The following UNC13C variants were observed in gnomAD, a reference collection of about 807,000 sequenced individuals.
UNC13C encodes the protein unc-13 homolog C.
Under a neutral mutation model 245.4 loss-of-function variants are expected in UNC13C, and 174 were observed. The ratio of observed to expected loss-of-function variants is 0.71; its 90% CI spans 0.63 to 0.80. UNC13C has a LOEUF of 0.80. Ranked by LOEUF, UNC13C falls within the 30% of genes least tolerant of loss-of-function variation. The probability of loss-of-function intolerance (pLI) is 0.00; values close to 1 mark genes in which losing one functional copy is unlikely to be tolerated. For missense variants in UNC13C, 2,829 were observed against 2,602.9 expected, an observed-to-expected ratio of 1.09 and a Z score of -1.89; for synonymous variants, 992 against 895.1, an observed-to-expected ratio of 1.11 and a Z score of -1.93.
chr15:53,990,195 TA>T (rs938175219), intron 1 of UNC13C, among the ~76,000 whole-genome samples: 12 of 152,046 alleles, frequency 7.9e-5, no homozygotes, highest in African/African-American at 2.9e-4. Flanking sequence ...TAAAGGACTT[TA>T]AAAAATATAT....
At chr15:54,503,180 A>C (rs1354840018) in intron 22 of UNC13C, among the ~76,000 whole-genome samples, 2 of 152,168 alleles carry the variant, frequency 1.3e-5, no homozygotes, top group Non-Finnish European at 2.9e-5. Flanking sequence ...GAAATTCAAC[A>C]ATATCCAATT....
chr15:54,256,266 G>C (rs1256361790), intron 8 of UNC13C, among the ~76,000 whole-genome samples: 1 of 152,068 alleles, frequency 6.6e-6, no homozygotes, highest in Non-Finnish European at 1.5e-5. Context: ...ATGACTATAG[G>C]GCATCTCGGC....
chr15:54,219,139 A>C (rs1459674811), intron 4 of UNC13C, among the ~76,000 whole-genome samples: 5 of 152,136 alleles, frequency 3.3e-5, no homozygotes, highest in African/African-American at 9.7e-5. Context: ...CCGCATTGCC[A>C]AGTCAATCCT....
At chr15:53,973,616 A>T (rs74016045), upstream of UNC13C, among the ~76,000 whole-genome samples, 8,268 of 151,824 alleles carry the variant, frequency 0.054, 424 homozygotes, top group African/African-American at 0.13. Flanking sequence ...TGGAAAAAAA[A>T]TTTTTACTTG....
chr15:54,516,565 G>A (rs497735), intron 24 of UNC13C, among the ~76,000 whole-genome samples: 20,001 of 152,048 alleles, frequency 0.13, 1,355 homozygotes, highest in Non-Finnish European at 0.15. Context: ...CACTTTGGGA[G>A]GCCAAAGTGG....
chr15:54,549,260 A>G (rs1200753346), intron 27 of UNC13C, among the ~76,000 whole-genome samples: 1 of 152,180 alleles, frequency 6.6e-6, no homozygotes, highest in African/African-American at 2.4e-5. Flanking sequence ...TTAGCCCCGT[A>G]TCTTCAGATT....
In UNC13C at chr15:54,014,962, C is replaced by T; in HGVS notation, c.2059C>T (p.Gln687Ter). The T allele has an allele frequency of 6.2e-7, 1 of 1,613,818 alleles. No homozygotes were observed. The highest frequency in any genetic ancestry group is 8.5e-7 in the Non-Finnish European group (1 of 1,179,840). Residue 687 changes from glutamine to a stop codon, truncating the protein, a stop_gained, in exon 2 of 33, where the codon CAG becomes TAG. Transcript: ENST00000260323. LOFTEE classifies it high-confidence loss of function. ...TGAAACAAACAGTCTTTTTGACCAA[C>T]AGCTTGATGTTTACAATAAAGACCT... Reference protein sequence around the residue: ...DYETNSLFDQQLDVYNKDLEY... With the variant: ...DYETNSLFDQ
chr15:53,850,057 T>C, the UNC13C span, among the ~76,000 whole-genome samples: 6 of 152,286 alleles, frequency 3.9e-5, no homozygotes, highest in Non-Finnish European at 8.8e-5. Context: ...TAACATTTCT[T>C]GTGCTGCAGG....
chr15:53,896,990 C>G, the UNC13C span, among the ~76,000 whole-genome samples: 1 of 152,164 alleles, frequency 6.6e-6, no homozygotes, highest in African/African-American at 2.4e-5. Flanking sequence ...CTGAGGTTTT[C>G]TGTTACATGT....
intron 25 of UNC13C, among the ~76,000 whole-genome samples, chr15:54,530,787 G>A (rs1895702161): frequency 6.6e-6 from 1 of 152,156 alleles, no homozygotes; most frequent in Non-Finnish European, 1.5e-5. Flanking sequence ...GTCTATTGTG[G>A]CTGGTGCAAT....
At chr15:54,314,155 G>A (rs1567180279) in intron 13 of UNC13C, among the ~76,000 whole-genome samples, 2 of 151,398 alleles carry the variant, frequency 1.3e-5, no homozygotes, top group South Asian at 4.2e-4. Flanking sequence ...GAAAGGAGGC[G>A]GATTGTGGAG....
chr15:54,250,795 C>T (rs534750223), intron 8 of UNC13C, among the ~76,000 whole-genome samples: 2 of 103,672 alleles, frequency 1.9e-5, no homozygotes, highest in East Asian at 2.8e-4. Context: ...CTCACTCTGT[C>T]GCCCCAGCTG....
chr15:53,856,460 T>C, the UNC13C span, among the ~76,000 whole-genome samples: 1 of 152,126 alleles, frequency 6.6e-6, no homozygotes, highest in Admixed American at 6.6e-5. Flanking sequence ...ATAACATTGC[T>C]TTAGCTGTAC....
At chr15:54,529,384 C>A (rs1480953364) in intron 25 of UNC13C, among the ~76,000 whole-genome samples, 4 of 151,966 alleles carry the variant, frequency 2.6e-5, no homozygotes, top group African/African-American at 9.7e-5. Context: ...ATATGGAAAA[C>A]CAAATATGGA....
chr15:54,277,403 CT>C (rs1328373034), intron 10 of UNC13C, among the ~76,000 whole-genome samples: 1 of 152,082 alleles, frequency 6.6e-6, no homozygotes, highest in Non-Finnish European at 1.5e-5. Flanking sequence ...TCCATATCAT[CT>C]TTTTTCACCC....
At chr15:54,487,567 G>A (rs1416565501) in intron 19 of UNC13C, among the ~76,000 whole-genome samples, 1 of 151,860 alleles carries the variant, frequency 6.6e-6, no homozygotes, top group East Asian at 1.9e-4. Flanking sequence ...AGGAGTTTGG[G>A]ACCAGCCTGG....
At chr15:54,353,674 T>C (rs1161189845) in intron 17 of UNC13C, among the ~76,000 whole-genome samples, 2 of 152,194 alleles carry the variant, frequency 1.3e-5, no homozygotes, top group African/African-American at 4.8e-5. Context: ...TATTGGCCAC[T>C]CCATCCTTCC....
intron 30 of UNC13C, among the ~76,000 whole-genome samples, chr15:54,594,389 A>G (rs1898957015): frequency 6.6e-6 from 1 of 151,324 alleles, no homozygotes. Context: ...TAGAACTCCC[A>G]AGATTGTACT....
chr15:54,297,709 T>C lies in UNC13C; in HGVS notation c.3989-102T>C, dbSNP rs1017177282. ...CTCAGAAAAATAGCTTTTAGCTACT[T>C]AAGCCGTTTTTTTGTTTTTTTGTTT... On this transcript the variant is annotated intron_variant, in intron 11 of 32. Transcript: ENST00000260323. The C allele has an allele frequency of 4.9e-6, 4 of 820,416 alleles. No individual in the cohort carries two copies. In the Middle Eastern group the frequency reaches 8.1e-4, roughly 165 times the overall value. 50.8% of individuals were successfully genotyped at this position (820,416 alleles called of 1,614,324 possible).
Sources: allele counts gnomAD v4.1 joint callset (sites outside exome capture counted in the v4.1 genomes callset), GRCh38; gene constraint gnomAD v4.1.1; transcripts MANE v1.5; gene names NCBI Gene and HGNC (gene_info 2026-07-23, HGNC 2026-07-21).